DHX37: variants seen among roughly 807,000 people sequenced by gnomAD.
DHX37 encodes the protein DEAH-box helicase 37.
In DHX37, 52 loss-of-function variants were observed where a neutral mutation model predicts 134.3. The ratio of observed to expected loss-of-function variants is 0.39; its 90% CI spans 0.31 to 0.49. DHX37 has a LOEUF of 0.49. DHX37 is among the 20% of genes least tolerant of loss of function. The pLI is 0.93. For synonymous variants in DHX37, 634 were observed against 670.7 expected, an observed-to-expected ratio of 0.95 and a Z score of 0.85; for missense variants, 1,344 against 1,580.8, an observed-to-expected ratio of 0.85 and a Z score of 2.54.
intron 15 of DHX37, 38 bp downstream of exon 15, chr12:124,964,356 G>A (rs1414629184): frequency 1.1e-5 from 18 of 1,607,218 alleles, no homozygotes; most frequent in South Asian, 5.5e-5. Context: ...ATTGCAAGGC[G>A]GCACCAACGT....
chr12:124,988,787 G>T, intron 1 of DHX37, 130 bp downstream of exon 1: 1 of 449,494 alleles, frequency 2.2e-6, no homozygotes, highest in East Asian at 3.5e-5. Context: ...TCTGGAATGG[G>T]GGGACCCATT....
rs1458035569 is a variant in DHX37, at chr12:124,980,534, T to C, written c.694A>G (p.Lys232Glu). Residue 232 changes from lysine to glutamate, a missense_variant, in exon 4 of 27, where the codon AAG becomes GAG. By Grantham distance (56) the Lys-to-Glu change is moderately conservative. Around this residue, in one of 7 missense-constraint regions of DHX37, gnomAD observed 77 missense variants for 121.6 expected, o/e 0.63. Coordinates refer to ENST00000308736, the MANE Select transcript of DHX37 (RefSeq NM_032656.4). This position sits in a 1 kb window ranked among gnomAD's most constrained non-coding sequence, Gnocchi z 5.3. ...TTCACGGGGATGAAGACGGCGGGCT[T>C]AGCCAGGGCCCTGGGCAGTGGTGGG... ...AAPPLPRALA[K>E]PAVFIPVNRS... 1.2e-6 allele frequency: 2 copies of C among 1,612,176 alleles called. No homozygotes were observed. Among genetic ancestry groups the C allele is most frequent in the Non-Finnish European group, 8.5e-7 (1 of 1,179,656 alleles).
At chr12:124,960,189 A>C in intron 16 of DHX37, 123 bp downstream of exon 16, 2 of 1,470,406 alleles carry the variant, frequency 1.4e-6, no homozygotes, top group Middle Eastern at 2.6e-4. Flanking sequence ...CTGCTGATGC[A>C]CTGTTGTGTA....
intron 25 of DHX37, 43 bp from the exon 26 acceptor site, chr12:124,948,224 C>A (rs1169869489): frequency 1.9e-6 from 3 of 1,595,714 alleles, no homozygotes; most frequent in Non-Finnish European, 2.6e-6. Flanking sequence ...AGCCAGGGCA[C>A]AGACCGGCTG....
rs556688210 is a variant in DHX37, at chr12:124,968,412, C to T, written c.1408+122G>A. On this transcript the variant is annotated intron_variant, in intron 10 of 26. Transcript: ENST00000308736. ...AACACTCTGGAATAAGTGAGGAAGC[C>T]GAGGCCTGGCAGGGTCAAGGGACTT... The T allele has an allele frequency of 4.0e-4, 593 of 1,493,136 alleles. 1 individual carries two copies. The highest frequency in any genetic ancestry group is 4.4e-4 in the Non-Finnish European group (491 of 1,115,620). 92.5% of individuals were successfully genotyped at this position (1,493,136 alleles called of 1,614,324 possible).
intron 21 of DHX37, 79 bp from the exon 22 acceptor site, chr12:124,950,883 A>C (rs1953966274): frequency 6.8e-7 from 1 of 1,474,648 alleles, no homozygotes; most frequent in Non-Finnish European, 9.0e-7. Context: ...CAGGAGAAGA[A>C]TCTGATTATC....
rs1953912870 is a variant in DHX37, at chr12:124,948,340, C to T, written c.3291-159G>A. The T allele has an allele frequency of 6.1e-6, 8 of 1,310,814 alleles. No homozygotes were observed. The South Asian group carries it at 1.2e-4, about 20-fold the overall frequency. 81.2% of individuals were successfully genotyped at this position (1,310,814 alleles called of 1,614,324 possible). ...TGACATGCACCTGTAGCCCCAGTTA[C>T]TCAGGGGGCTGAAGTAGGAGGATCC... On this transcript the variant is annotated intron_variant, in intron 25 of 26. Transcript: ENST00000308736.
intron 17 of DHX37, 63 bp from the exon 18 acceptor site, chr12:124,956,942 C>T (rs1334175387): frequency 1.3e-6 from 2 of 1,538,536 alleles, no homozygotes; most frequent in East Asian, 4.7e-5. Context: ...GCTGGGAGGC[C>T]CCACGCTTGA....
intron 12 of DHX37, 81 bp downstream of exon 12, chr12:124,966,712 A>C: frequency 7.1e-7 from 1 of 1,408,652 alleles, no homozygotes; most frequent in Non-Finnish European, 1.0e-6. Flanking sequence ...CTTAAACCTA[A>C]GCAGCCACAT....
chr12:124,983,785 CAAAAAAA>C (rs11298102), intron 2 of DHX37, among the ~76,000 whole-genome samples: 1 of 117,432 alleles, frequency 8.5e-6, no homozygotes, highest in Non-Finnish European at 1.8e-5. Flanking sequence ...ACCTTGTCTC[CAAAAAAA>C]AAAAAAAAAA....
At position 124,980,161 on chromosome 12, in the gene DHX37, A is replaced by G. The variant is rs1335935716; in HGVS notation, c.738+329T>C. Among the ~76,000 whole-genome samples the G allele has an allele frequency of 6.6e-6, 1 of 152,242 alleles. No homozygotes were observed. The highest frequency in any genetic ancestry group is 1.9e-4 in the East Asian group (1 of 5,190). On this transcript the variant is annotated intron_variant, in intron 4 of 26. Coordinates refer to ENST00000308736, the MANE Select transcript of DHX37 (RefSeq NM_032656.4). This position sits in a 1 kb window ranked among gnomAD's most constrained non-coding sequence, Gnocchi z 5.3. ...GGAATCAGCACTTGATTTCGGGTCAACTGATTCACAGCCCAAACTCTTGTC... is the reference window on the plus strand; with the variant it reads ...GGAATCAGCACTTGATTTCGGGTCAGCTGATTCACAGCCCAAACTCTTGTC...
rs752756201 is a variant in DHX37, at chr12:124,968,076, G to A, written c.1408+458C>T. Among the ~76,000 whole-genome samples, 9 of 38,272 alleles carry A rather than the reference G, an allele frequency of 2.4e-4. No homozygotes were observed. In the East Asian group the frequency reaches 5.5e-3, roughly 23 times the overall value. 25.1% of individuals were successfully genotyped at this position (38,272 alleles called of 152,430 possible). ...GCCTGGGCAACAAGAGTAAAACTCC[G>A]TCTCAAAAAAAAAAAGTCTGGCTGG... On this transcript the variant is annotated intron_variant, in intron 10 of 26. Coordinates refer to ENST00000308736, the MANE Select transcript of DHX37 (RefSeq NM_032656.4).
intron 16 of DHX37, among the ~76,000 whole-genome samples, chr12:124,958,910 CTTT>C (rs35528941): frequency 9.0e-5 from 11 of 122,448 alleles, no homozygotes; most frequent in African/African-American, 8.9e-5. Context: ...ATGCACCCAG[CTTT>C]TTTTTTTTTT....
At chr12:124,961,288 T>G (rs61942950) in intron 15 of DHX37, among the ~76,000 whole-genome samples, 5 of 103,144 alleles carry the variant, frequency 4.8e-5, no homozygotes, top group African/African-American at 1.5e-4. Context: ...GCACACACAC[T>G]TACACGCGTG....
chr12:124,987,014 T>C (rs1274275528), intron 1 of DHX37, among the ~76,000 whole-genome samples: 1 of 152,138 alleles, frequency 6.6e-6, no homozygotes, highest in African/African-American at 2.4e-5. Flanking sequence ...CCCAAAGTGT[T>C]GGGATTACAG....
chr12:124,959,666 G>A (rs977004877), intron 16 of DHX37, among the ~76,000 whole-genome samples: 19 of 152,314 alleles, frequency 1.2e-4, no homozygotes, highest in African/African-American at 4.1e-4. Flanking sequence ...CACAAATGGC[G>A]GACAGTGGGA....
chr12:124,961,280 ACACACACTTACACGCGTGCACG>A (rs1566332680), intron 15 of DHX37, among the ~76,000 whole-genome samples: 1 of 115,054 alleles, frequency 8.7e-6, no homozygotes, highest in African/African-American at 3.7e-5. Context: ...GCGTGCACGC[ACACACACTTACACGCGTGCACG>A]CACGCACACA....
At chr12:124,955,016 C>T (rs1435217548) in intron 18 of DHX37, among the ~76,000 whole-genome samples, 1 of 152,234 alleles carries the variant, frequency 6.6e-6, no homozygotes, top group Non-Finnish European at 1.5e-5. Context: ...CTCTCAGTCA[C>T]CACGCTACAG....
Position 124,967,120 on chromosome 12 carries a change from T to G in DHX37, c.1504+3A>C. 1 of 1,613,624 alleles carries G rather than the reference T, an allele frequency of 6.2e-7. No individual in the cohort carries two copies. The highest frequency in any genetic ancestry group is 8.5e-7 in the Non-Finnish European group (1 of 1,180,000). The stretch of plus-strand genomic sequence containing the variant: ...AGAGTGCTGGTCGGGGCGTCCTCTT[T>G]ACCTTGTGGCCGGGCTCTGGAGGGT... On this transcript the variant is annotated splice_donor_region_variant and intron_variant, in intron 11 of 26. Transcript: ENST00000308736.
Sources: allele counts gnomAD v4.1 joint callset (sites outside exome capture counted in the v4.1 genomes callset), GRCh38; gene constraint gnomAD v4.1.1; regional missense constraint gnomAD v4.1.1; non-coding constraint Gnocchi (gnomAD v3.1); transcripts MANE v1.5; gene names NCBI Gene and HGNC (gene_info 2026-07-23, HGNC 2026-07-21).